Variants in NEBL observed in about 807,000 individuals in gnomAD.
The protein encoded by NEBL is nebulette, also known as LIM and SH3 protein 2.
NEBL carries 122 observed loss-of-function variants against 140.2 expected under a neutral mutation model. The observed-to-expected ratio is 0.87, with a 90% CI of 0.75 to 1.01. The LOEUF is 1.01. NEBL is among the 50% of genes least tolerant of loss of function. NEBL has a pLI of 0.00. For missense variants in NEBL, 1,365 were observed against 1,231.3 expected (o/e 1.11, Z -1.62); for synonymous variants, 436 against 398.9 (o/e 1.09, Z -1.11).
At chr10:21,215,714 G>A (rs964760792) in intron 3 of NEBL, among the ~76,000 whole-genome samples, 6 of 152,090 alleles carry the variant, frequency 3.9e-5, no homozygotes, top group Admixed American at 2.6e-4. Flanking sequence ...AGTCTGGAAC[G>A]CAGTAGCACA....
chr10:20,829,145 G>C (rs940552853), intron 16 of NEBL, among the ~76,000 whole-genome samples: 1 of 151,998 alleles, frequency 6.6e-6, no homozygotes, highest in Non-Finnish European at 1.5e-5. Context: ...GTAAGTATCA[G>C]AGCCTCAACT....
intron 2 of NEBL, among the ~76,000 whole-genome samples, chr10:21,120,698 A>C (rs1173913468): frequency 6.7e-6 from 1 of 148,426 alleles, no homozygotes; most frequent in African/African-American, 2.5e-5. Flanking sequence ...AAAAAAAAAA[A>C]AAAAAACCCA....
chr10:20,836,993 C>T (rs1025700340), intron 13 of NEBL, among the ~76,000 whole-genome samples: 1 of 152,118 alleles, frequency 6.6e-6, no homozygotes. Context: ...ATCAGCCGTT[C>T]CTCTATCTCT....
intron 3 of NEBL, among the ~76,000 whole-genome samples, chr10:21,232,926 A>G (rs545907164): frequency 1.3e-5 from 2 of 152,368 alleles, no homozygotes; most frequent in East Asian, 3.9e-4. Flanking sequence ...GAACAGTAGC[A>G]TTAGAAAAAG....
intron 3 of NEBL, among the ~76,000 whole-genome samples, chr10:20,976,630 C>A (rs200735943): frequency 6.4e-4 from 97 of 152,164 alleles, no homozygotes; most frequent in Middle Eastern, 3.4e-3. Context: ...CCACATGGAT[C>A]GAGCTAGAGG....
chr10:21,136,319 C>T (rs1303207003), intron 2 of NEBL, among the ~76,000 whole-genome samples: 1 of 152,106 alleles, frequency 6.6e-6, no homozygotes, highest in Non-Finnish European at 1.5e-5. Context: ...AAGGACTGCT[C>T]TCCTTCCTAC....
At chr10:21,232,462 T>C (rs1842278986) in intron 3 of NEBL, among the ~76,000 whole-genome samples, 1 of 152,214 alleles carries the variant, frequency 6.6e-6, no homozygotes, top group African/African-American at 2.4e-5. Context: ...AGGAAATAAT[T>C]GTACAACTCA....
chr10:21,011,820 T>G (rs1838351515), intron 3 of NEBL, among the ~76,000 whole-genome samples: 1 of 152,170 alleles, frequency 6.6e-6, no homozygotes, highest in African/African-American at 2.4e-5. Flanking sequence ...CATCCACCCC[T>G]GGCCCCAGGG....
At chr10:20,815,924 ATG>A in intron 21 of NEBL, 1 of 545,590 alleles carries the variant, frequency 1.8e-6, no homozygotes, top group Non-Finnish European at 3.3e-6. Flanking sequence ...ACCTGCCACC[ATG>A]CCTGGCTAAT....
chr10:21,025,409 CAGAG>C (rs1456392373), intron 2 of NEBL, among the ~76,000 whole-genome samples: 8 of 152,228 alleles, frequency 5.3e-5, no homozygotes, highest in Admixed American at 6.5e-5. Flanking sequence ...AAAATAAAGA[CAGAG>C]AGAATCAAGA....
intron 3 of NEBL, among the ~76,000 whole-genome samples, chr10:21,223,841 A>G (rs1842107260): frequency 6.6e-6 from 1 of 152,212 alleles, no homozygotes; most frequent in Admixed American, 6.5e-5. Context: ...TCTTCTTTTG[A>G]GAAATGTCTA....
chr10:20,986,528 C>T (rs1378065886), intron 3 of NEBL, among the ~76,000 whole-genome samples: 1 of 152,138 alleles, frequency 6.6e-6, no homozygotes, highest in African/African-American at 2.4e-5. Flanking sequence ...CTTAAATGTT[C>T]CTAAATAATG....
intron 3 of NEBL, among the ~76,000 whole-genome samples, chr10:20,970,593 G>C (rs1426496456): frequency 2.6e-5 from 4 of 151,946 alleles, no homozygotes; most frequent in African/African-American, 9.7e-5. Context: ...AGGCTGCAGT[G>C]AGCTGTGATC....
chr10:21,217,178 C>T (rs1476916279), intron 3 of NEBL, among the ~76,000 whole-genome samples: 1 of 152,080 alleles, frequency 6.6e-6, no homozygotes, highest in Non-Finnish European at 1.5e-5. Context: ...CTGGCATCCC[C>T]CCAAAATCTA....
chr10:21,050,731 T>G (rs182345728), intron 2 of NEBL, among the ~76,000 whole-genome samples: 3 of 152,244 alleles, frequency 2.0e-5, no homozygotes, highest in Non-Finnish European at 2.9e-5. Flanking sequence ...GGGAGAACAA[T>G]AGTAGAAGAA....
intron 4 of NEBL, among the ~76,000 whole-genome samples, chr10:20,961,345 A>G (rs1836042087): frequency 6.6e-6 from 1 of 152,164 alleles, no homozygotes. Flanking sequence ...TTATATGTAT[A>G]TTTTATATGC....
At chr10:21,027,940 G>C (rs1833583227) in intron 2 of NEBL, among the ~76,000 whole-genome samples, 1 of 152,054 alleles carries the variant, frequency 6.6e-6, no homozygotes, top group Non-Finnish European at 1.5e-5. Context: ...ATGAGAAATA[G>C]GCCAAGTGCA....
At chr10:21,043,105 C>T (rs1834343442) in intron 2 of NEBL, among the ~76,000 whole-genome samples, 1 of 152,198 alleles carries the variant, frequency 6.6e-6, no homozygotes, top group South Asian at 2.1e-4. Context: ...TTAAATCTGA[C>T]AGAAGTAGGC....
At chr10:21,054,109 G>GA (rs1834905571) in intron 2 of NEBL, among the ~76,000 whole-genome samples, 1 of 152,002 alleles carries the variant, frequency 6.6e-6, no homozygotes, top group Non-Finnish European at 1.5e-5. Context: ...CAAAATAGGA[G>GA]AAAAATTGAA....
Sources: allele counts gnomAD v4.1 joint callset (sites outside exome capture counted in the v4.1 genomes callset), GRCh38; gene constraint gnomAD v4.1.1; transcripts MANE v1.5; gene names NCBI Gene and HGNC (gene_info 2026-07-23, HGNC 2026-07-21).